The following IGSF21 variants were observed in gnomAD, a reference collection of about 807,000 sequenced individuals.
IGSF21 encodes the protein immunoglobulin superfamily member 21.
A neutral mutation model predicts 46.8 loss-of-function variants in IGSF21; 28 were observed. The ratio of observed to expected loss-of-function variants is 0.60; its 90% CI spans 0.44 to 0.82. The LOEUF (loss-of-function observed/expected upper bound fraction) is 0.82, where lower values mean the gene tolerates loss of function less well. Ranked by LOEUF, IGSF21 falls within the 40% of genes least tolerant of loss-of-function variation. IGSF21 has a pLI of 0.00. For synonymous variants in IGSF21, 284 were observed against 273.6 expected, an observed-to-expected ratio of 1.04 and a Z score of -0.38; for missense variants, 624 against 665.5, an observed-to-expected ratio of 0.94 and a Z score of 0.69.
intron 2 of IGSF21, among the ~76,000 whole-genome samples, chr1:18,265,921 T>A (rs1397232469): frequency 6.6e-6 from 1 of 152,218 alleles, no homozygotes; most frequent in Non-Finnish European, 1.5e-5. Flanking sequence ...GTTTTCCTCC[T>A]GAGCCATAGA....
intron 1 of IGSF21, among the ~76,000 whole-genome samples, chr1:18,116,348 G>A (rs911555600): frequency 2.0e-5 from 3 of 152,142 alleles, no homozygotes; most frequent in Admixed American, 1.3e-4. Flanking sequence ...ATGTGCTTTG[G>A]TTTCCATCTG....
At chr1:18,249,630 C>G (rs372244412) in intron 2 of IGSF21, among the ~76,000 whole-genome samples, 5 of 152,198 alleles carry the variant, frequency 3.3e-5, no homozygotes, top group Non-Finnish European at 5.9e-5. Context: ...TCTCTCACCC[C>G]GCTGTGCCTA....
chr1:18,313,941 C>T (rs1025362003), intron 3 of IGSF21, among the ~76,000 whole-genome samples: 6 of 152,096 alleles, frequency 3.9e-5, no homozygotes, highest in Non-Finnish European at 7.4e-5. Flanking sequence ...TTATTACAGC[C>T]GTCTCAGGAA....
At chr1:18,238,828 T>C (rs998140347) in intron 2 of IGSF21, among the ~76,000 whole-genome samples, 7 of 152,198 alleles carry the variant, frequency 4.6e-5, no homozygotes, top group African/African-American at 1.2e-4. Context: ...TCCTGCTGTG[T>C]GATCTTGAAA....
chr1:18,160,955 T>C (rs2086615010), intron 1 of IGSF21, among the ~76,000 whole-genome samples: 1 of 152,090 alleles, frequency 6.6e-6, no homozygotes, highest in Admixed American at 6.5e-5. Flanking sequence ...GTGATCCATG[T>C]ACCCCCTGCA....
At chr1:18,275,355 C>T (rs1382475868) in intron 2 of IGSF21, among the ~76,000 whole-genome samples, 6 of 152,164 alleles carry the variant, frequency 3.9e-5, no homozygotes, top group Non-Finnish European at 8.8e-5. Flanking sequence ...CGGATCTACT[C>T]CCCAAGCCAA....
chr1:18,203,644 CTGTT>C (rs1383071577), intron 1 of IGSF21, among the ~76,000 whole-genome samples: 3 of 152,086 alleles, frequency 2.0e-5, no homozygotes, highest in South Asian at 2.1e-4. Flanking sequence ...GAATGAATGA[CTGTT>C]TGTATATCCT....
intron 4 of IGSF21, among the ~76,000 whole-genome samples, chr1:18,360,768 A>G (rs2086091522): frequency 6.6e-6 from 1 of 152,202 alleles, no homozygotes; most frequent in Non-Finnish European, 1.5e-5. Context: ...AATTCCTACC[A>G]TATGCTAAGC....
At chr1:18,262,271 G>T (rs1300711282) in intron 2 of IGSF21, among the ~76,000 whole-genome samples, 1 of 152,180 alleles carries the variant, frequency 6.6e-6, no homozygotes, top group South Asian at 2.1e-4. Context: ...GCTTCTGGGG[G>T]CATGAACTCT....
chr1:18,370,121 A>C (rs1234277893), intron 6 of IGSF21, among the ~76,000 whole-genome samples: 1 of 152,180 alleles, frequency 6.6e-6, no homozygotes, highest in South Asian at 2.1e-4. Context: ...CCATCAGTTC[A>C]AGCCTGGGTT....
rs542662343 is a variant in IGSF21 at position 18,197,936 on chromosome 1, G to A, written c.71-29962G>A. ...TCTATAAGAATCCAGTGGATTCTTG[G>A]AAAGGTGTCGTAACCTCTCCAAGGC... On this transcript the variant is annotated intron_variant, in intron 1 of 9. Coordinates refer to ENST00000251296, the MANE Select transcript of IGSF21 (RefSeq NM_032880.5). Among the ~76,000 whole-genome samples, 5 of 152,304 alleles carry A rather than the reference G, an allele frequency of 3.3e-5. No homozygotes were observed. The South Asian group carries it at 1.0e-3, about 32-fold the overall frequency.
At chr1:18,129,312 A>G (rs2086298707) in intron 1 of IGSF21, among the ~76,000 whole-genome samples, 1 of 152,110 alleles carries the variant, frequency 6.6e-6, no homozygotes, top group Admixed American at 6.5e-5. Flanking sequence ...GGGCAGGGAA[A>G]TGAGAGGTGG....
chr1:18,357,217 G>A (rs2086028706), intron 4 of IGSF21, among the ~76,000 whole-genome samples: 1 of 147,596 alleles, frequency 6.8e-6, no homozygotes. Context: ...TGGGGATGGG[G>A]GTAGATATGG....
At position 18,168,189 on chromosome 1, in the gene IGSF21, C is replaced by T. The variant is rs544308541; in HGVS notation, c.71-59709C>T. On this transcript the variant is annotated intron_variant, in intron 1 of 9. Transcript: ENST00000251296. ...TCTGTTGCTGCCAGAGCCCCCTCCT[C>T]GTCACTCTGCTCACCAAGGAAGAGC... Among the ~76,000 whole-genome samples, 336 of 152,186 alleles carry T rather than the reference C, an allele frequency of 2.2e-3. 4 individuals carry two copies. The highest frequency in any genetic ancestry group is 7.3e-3 in the African/African-American group (303 of 41,542).
intron 4 of IGSF21, among the ~76,000 whole-genome samples, chr1:18,336,987 G>C (rs116467420): frequency 9.9e-5 from 15 of 152,240 alleles, no homozygotes; most frequent in African/African-American, 3.6e-4. Flanking sequence ...AGGAAAGACC[G>C]ACCCCTATGA....
chr1:18,320,064 C>T (rs748384883), intron 3 of IGSF21, among the ~76,000 whole-genome samples: 1 of 152,190 alleles, frequency 6.6e-6, no homozygotes, highest in Non-Finnish European at 1.5e-5. Flanking sequence ...CTTCTCAGAG[C>T]TGGGTACTGT....
At chr1:18,146,972 G>C (rs9661482) in intron 1 of IGSF21, among the ~76,000 whole-genome samples, 16,046 of 152,112 alleles carry the variant, frequency 0.11, 1,441 homozygotes, top group African/African-American at 0.24. Flanking sequence ...CTGATTCCTT[G>C]TCTGCCCTTG....
chr1:18,176,610 G>A (rs867548847), intron 1 of IGSF21, among the ~76,000 whole-genome samples: 4 of 149,064 alleles, frequency 2.7e-5, no homozygotes, highest in Non-Finnish European at 5.9e-5. Context: ...CTGATGTGCC[G>A]TTTTCACTAA....
At chr1:18,150,950 G>A (rs2086516550) in intron 1 of IGSF21, among the ~76,000 whole-genome samples, 1 of 152,154 alleles carries the variant, frequency 6.6e-6, no homozygotes, top group African/African-American at 2.4e-5. Flanking sequence ...CCAGCTTAGT[G>A]CCATCGGGAA....
Sources: allele counts gnomAD v4.1 joint callset (sites outside exome capture counted in the v4.1 genomes callset), GRCh38; gene constraint gnomAD v4.1.1; transcripts MANE v1.5; gene names NCBI Gene and HGNC (gene_info 2026-07-23, HGNC 2026-07-21).